The following ANKRD54 variants were observed in gnomAD, a reference collection of about 807,000 sequenced individuals.
The protein encoded by ANKRD54 is ankyrin repeat domain 54.
ANKRD54 carries 26 observed loss-of-function variants against 36.2 expected under a neutral mutation model. The ratio of observed to expected loss-of-function variants is 0.72; its 90% CI spans 0.53 to 1.00. The LOEUF (loss-of-function observed/expected upper bound fraction) is 1.00. Ranked by LOEUF, ANKRD54 falls within the 50% of genes least tolerant of loss-of-function variation. The pLI is 0.00. For synonymous variants in ANKRD54, 209 were observed against 188.4 expected (o/e 1.11, Z -0.89); for missense variants, 384 against 424.3 (o/e 0.91, Z 0.83).
chr22:37,847,758 C>A, upstream of ANKRD54: 1 of 436,322 alleles, frequency 2.3e-6, no homozygotes, highest in South Asian at 1.8e-5. Flanking sequence ...GGTCCTGAAC[C>A]AAATCGAGGG....
At chr22:37,844,949 G>T (rs1000251975), upstream of ANKRD54, among the ~76,000 whole-genome samples, 13 of 149,066 alleles carry the variant, frequency 8.7e-5, no homozygotes, top group African/African-American at 3.2e-4. Flanking sequence ...AAGATGATTT[G>T]CAGGCACTCA....
chr22:37,833,171 G>C lies in ANKRD54; in HGVS notation c.583C>G (p.Leu195Val). The change falls in exon 5 of 8, where the codon CTG (leucine) becomes GTG (valine). Residue 195 changes from leucine (L) to valine (V), a missense_variant. Leu to Val is a conservative substitution (Grantham distance 32). This residue lies in a region of ANKRD54 where 179 missense variants were observed against 224.0 expected (regional missense o/e 0.80). Coordinates refer to ENST00000215941, the MANE Select transcript of ANKRD54 (RefSeq NM_138797.4). ...AGAAACCACATACCTCCTCGTAGCA[G>C]TGTGGTGATGACAGGAACGTGGTTG... The part of the protein sequence containing the change: ...CTNHVPVITT[L>V]LRGGARVDAL... The C allele has an allele frequency of 6.2e-7, 1 of 1,613,888 alleles. No homozygotes were observed. The highest frequency in any genetic ancestry group is 8.5e-7 in the Non-Finnish European group (1 of 1,180,004).
At chr22:37,838,101 C>T (rs889324155) in intron 3 of ANKRD54, among the ~76,000 whole-genome samples, 57 of 151,814 alleles carry the variant, frequency 3.8e-4, no homozygotes, top group Admixed American at 7.9e-4. Flanking sequence ...CACCACTGCA[C>T]TCCAGCCTGG....
intron 3 of ANKRD54, among the ~76,000 whole-genome samples, chr22:37,836,794 C>T (rs1923604553): frequency 6.6e-6 from 1 of 151,766 alleles, no homozygotes; most frequent in African/African-American, 2.4e-5. Flanking sequence ...TTTGGGAGGC[C>T]GAGACAGGTG....
chr22:37,845,271 G>A (rs963712984), upstream of ANKRD54, among the ~76,000 whole-genome samples: 1 of 152,164 alleles, frequency 6.6e-6, no homozygotes, highest in Admixed American at 6.5e-5. Flanking sequence ...GTAACTGCTA[G>A]GTCCTGGACA....
intron 3 of ANKRD54, 130 bp downstream of exon 3, chr22:37,838,370 G>A: frequency 1.1e-6 from 1 of 880,392 alleles, no homozygotes; most frequent in Non-Finnish European, 1.7e-6. Flanking sequence ...GGGCACTGCA[G>A]TGCCAAGTCT....
upstream of ANKRD54, among the ~76,000 whole-genome samples, chr22:37,844,602 T>C (rs1048046114): frequency 1.3e-5 from 2 of 152,190 alleles, no homozygotes; most frequent in Non-Finnish European, 2.9e-5. Flanking sequence ...ACGCTTTTTT[T>C]TTGCGACGGA....
chr22:37,838,910 C>G (rs1410750475), intron 2 of ANKRD54, among the ~76,000 whole-genome samples: 1 of 152,256 alleles, frequency 6.6e-6, no homozygotes, highest in East Asian at 1.9e-4. Flanking sequence ...AGTGGTCCCC[C>G]TCCCGTGACC....
At chr22:37,845,856 G>GA (rs368264678), upstream of ANKRD54, among the ~76,000 whole-genome samples, 142 of 139,800 alleles carry the variant, frequency 1.0e-3, no homozygotes, top group African/African-American at 3.5e-3. Context: ...GTGACAGAGC[G>GA]AGACTCCATC....
At chr22:37,833,856 G>A (rs745868102) in intron 3 of ANKRD54, 101 bp from the exon 4 acceptor site, 20 of 1,002,348 alleles carry the variant, frequency 2.0e-5, no homozygotes, top group South Asian at 5.5e-5. Flanking sequence ...TAGGGGACAC[G>A]GAATGCAAGC....
chr22:37,848,209 C>T (rs4821721), upstream of ANKRD54: 138,718 of 152,138 alleles, frequency 0.91, 63,462 homozygotes, highest in African/African-American at 0.98. Context: ...TATTGGTTTG[C>T]TTTATAACCC....
At chr22:37,843,714 G>A in intron 1 of ANKRD54, 197 bp downstream of exon 1, 1 of 319,932 alleles carries the variant, frequency 3.1e-6, no homozygotes, top group South Asian at 1.5e-4. Flanking sequence ...GCTCAGAGCA[G>A]GAAGACTTTC....
intron 7 of ANKRD54, 47 bp from the exon 8 acceptor site, chr22:37,832,064 G>A: frequency 6.5e-7 from 1 of 1,543,426 alleles, no homozygotes; most frequent in Non-Finnish European, 8.8e-7. Context: ...GGGTGTGCCA[G>A]GGCTCCTGGG....
chr22:37,848,928 T>C (rs1004996166), upstream of ANKRD54: 4 of 167,186 alleles, frequency 2.4e-5, no homozygotes, highest in African/African-American at 7.1e-5. Context: ...ACCACTATTA[T>C]AGATTCACCT....
At chr22:37,839,672 C>A (rs1209489872) in intron 2 of ANKRD54, among the ~76,000 whole-genome samples, 1 of 152,202 alleles carries the variant, frequency 6.6e-6, no homozygotes, top group Non-Finnish European at 1.5e-5. Flanking sequence ...CAGGCGTGAG[C>A]CACCGCGCCC....
Position 37,838,572 on chromosome 22 carries a change from C to T in ANKRD54, c.403G>A (p.Asp135Asn). 1 of 1,611,438 alleles carries T rather than the reference C, an allele frequency of 6.2e-7. No individual in the cohort carries two copies. The highest frequency in any genetic ancestry group is 8.5e-7 in the Non-Finnish European group (1 of 1,179,240). ...TVQQLLEDGADPCAADDKGRT... is the reference protein window; with the variant it reads ...TVQQLLEDGANPCAADDKGRT... ...CCCTTGTCATCAGCTGCACAGGGAT[C>T]CGCGCCATCTTCCAGCAGCTGCTGC... Residue 135 changes from aspartate to asparagine, a missense_variant, in exon 3 of 8, where the codon GAT becomes AAT. Physicochemically the swap from Asp to Asn is conservative, Grantham distance 23. Around this residue, in one of 3 missense-constraint regions of ANKRD54, gnomAD observed 179 missense variants for 224.0 expected, o/e 0.80. Transcript: ENST00000215941.
intron 2 of ANKRD54, among the ~76,000 whole-genome samples, chr22:37,839,077 A>G (rs1259544052): frequency 2.0e-5 from 3 of 152,004 alleles, no homozygotes; most frequent in African/African-American, 7.2e-5. Flanking sequence ...GTTTCACCAT[A>G]TTGGTCAGGC....
At position 37,840,216 on chromosome 22, in the gene ANKRD54, T is replaced by A. The variant is rs1270796904; in HGVS notation, c.347A>T (p.Asp116Val). ...KEVHALKRLR[D>V]SANANDVETV... ...TTCCACATCATTGGCATTGGCCGAG[T>A]CCCTCAGTCTCTTCAGAGCTGTAAA... The change falls in exon 2 of 8, where the codon GAC becomes GTC. Residue 116 changes from aspartate to valine, a missense_variant. Physicochemically the swap from Asp to Val is radical, Grantham distance 152 (BLOSUM62 -3). This residue lies in a region of ANKRD54 where 10 missense variants were observed against 22.5 expected (regional missense o/e 0.44). Transcript: ENST00000215941. 1 of 1,613,962 alleles carries A rather than the reference T, an allele frequency of 6.2e-7. No individual in the cohort carries two copies. The highest frequency in any genetic ancestry group is 1.1e-5 in the South Asian group (1 of 91,088).
intron 1 of ANKRD54, among the ~76,000 whole-genome samples, chr22:37,842,229 G>A (rs779353168): frequency 3.3e-5 from 5 of 152,158 alleles, no homozygotes; most frequent in Non-Finnish European, 7.4e-5. Flanking sequence ...ACTGCAGCCT[G>A]GGTGGTAAAG....
Sources: gnomAD v4.1 joint callset for allele counts (sites outside exome capture counted in the v4.1 genomes callset) on GRCh38, gnomAD v4.1.1 for gene constraint, gnomAD v4.1.1 regional missense constraint, MANE v1.5 for transcripts, NCBI Gene and HGNC (gene_info 2026-07-23, HGNC 2026-07-21) for gene names.